PPM1B: variants seen among roughly 807,000 people sequenced by gnomAD.
PPM1B encodes protein phosphatase, Mg2+/Mn2+ dependent 1B.
PPM1B carries 22 observed loss-of-function variants against 43.0 expected under a neutral mutation model. That is an observed-to-expected ratio of 0.51 (90% CI 0.37 to 0.73). The LOEUF is 0.73. PPM1B is among the 30% of genes least tolerant of loss of function. The pLI is 0.00. For missense variants in PPM1B, 632 were observed against 584.2 expected (o/e 1.08, Z -0.84); for synonymous variants, 217 against 197.9 (o/e 1.10, Z -0.81).
In PPM1B at chr2:44,201,868, G is replaced by A; in HGVS notation, c.669G>A (p.Glu223=). 1 of 1,614,172 alleles carries A rather than the reference G, an allele frequency of 6.2e-7. No individual in the cohort carries two copies. Among genetic ancestry groups the A allele is most frequent in the Non-Finnish European group, 8.5e-7 (1 of 1,180,026 alleles). ...KGPTEQLVSP[E]PEVYEILRAE... is the part of the protein sequence containing the mutation. Reference sequence around the variant, plus strand: ...CAACAGAACAACTTGTTTCTCCAGAGCCTGAGGTTTATGAAATTTTAAGAG... The same window carrying A: ...CAACAGAACAACTTGTTTCTCCAGAACCTGAGGTTTATGAAATTTTAAGAG... Residue 223 remains glutamate, a synonymous_variant, in exon 2 of 6, where the codon GAG becomes GAA. Transcript: ENST00000282412. The surrounding 1 kb of genome is among the most constrained non-coding windows in gnomAD (Gnocchi z 5.4).
At chr2:44,244,274 G>A (rs773282713) in exon 6 of PPM1B, 4 of 1,360,900 alleles carry the variant, frequency 2.9e-6, no homozygotes, top group Non-Finnish European at 3.9e-6. Context: ...GAGAGCTCTG[G>A]TGACAAGAAA....
At chr2:44,216,262 C>T (rs1669712928) in intron 3 of PPM1B, among the ~76,000 whole-genome samples, 1 of 152,060 alleles carries the variant, frequency 6.6e-6, no homozygotes, top group Non-Finnish European at 1.5e-5. Flanking sequence ...TGTCTGGTGA[C>T]ATTTTTGGTG....
chr2:44,245,648 A>G (rs183014305), downstream of PPM1B, among the ~76,000 whole-genome samples: 8 of 152,340 alleles, frequency 5.3e-5, no homozygotes, highest in Admixed American at 5.2e-4. Flanking sequence ...GACCTTTGTT[A>G]TAGATTAACT....
chr2:44,240,747 C>A (rs1670725872), intron 5 of PPM1B, among the ~76,000 whole-genome samples: 2 of 145,398 alleles, frequency 1.4e-5, no homozygotes, highest in Non-Finnish European at 1.5e-5. Context: ...CTACTAGTAC[C>A]CATTAGCATG....
chr2:44,215,461 G>GA (rs879579340), intron 3 of PPM1B, among the ~76,000 whole-genome samples: 6,345 of 142,048 alleles, frequency 0.045, 388 homozygotes, highest in African/African-American at 0.14. Context: ...ATGTCTTTAA[G>GA]AAAAAAAAAA....
At chr2:44,227,922 C>CTTTTTTTTTTTT (rs59259343) in intron 5 of PPM1B, among the ~76,000 whole-genome samples, 6 of 106,798 alleles carry the variant, frequency 5.6e-5, no homozygotes, top group Non-Finnish European at 8.9e-5. Flanking sequence ...TTTTTCTTTT[C>CTTTTTTTTTTTT]TTTTTTTTTT....
At chr2:44,186,086 A>G (rs1253014032) in intron 1 of PPM1B, among the ~76,000 whole-genome samples, 1 of 152,128 alleles carries the variant, frequency 6.6e-6, no homozygotes, top group Non-Finnish European at 1.5e-5. Context: ...GTGTTTGTGA[A>G]TGAGTATGTT....
intron 1 of PPM1B, among the ~76,000 whole-genome samples, chr2:44,190,155 ATTTT>A (rs35252924): frequency 8.9e-6 from 1 of 112,028 alleles, no homozygotes. Context: ...AGTTTATTTG[ATTTT>A]TTTTTTTTTT....
At chr2:44,241,454 A>C (rs1196359271) in intron 5 of PPM1B, among the ~76,000 whole-genome samples, 4 of 143,664 alleles carry the variant, frequency 2.8e-5, no homozygotes, top group African/African-American at 4.9e-5. Flanking sequence ...CTTCAAGGCC[A>C]GGCTCGGTGG....
At chr2:44,178,402 C>T (rs1281762669) in intron 1 of PPM1B, among the ~76,000 whole-genome samples, 2 of 148,940 alleles carry the variant, frequency 1.3e-5, no homozygotes, top group East Asian at 3.9e-4. Flanking sequence ...AAATTCTCTC[C>T]AATGTTGCTA....
chr2:44,186,805 A>G (rs563913031), intron 1 of PPM1B, among the ~76,000 whole-genome samples: 1 of 152,338 alleles, frequency 6.6e-6, no homozygotes, highest in South Asian at 2.1e-4. Flanking sequence ...GTCTCGTGCT[A>G]TTTGGATTCT....
chr2:44,211,102 C>G (rs1669444369), intron 3 of PPM1B, among the ~76,000 whole-genome samples: 1 of 152,108 alleles, frequency 6.6e-6, no homozygotes, highest in Non-Finnish European at 1.5e-5. Context: ...TGCCACTGTA[C>G]TCTAGCCTGG....
chr2:44,230,913 A>G lies in PPM1B; in HGVS notation c.*195A>G, dbSNP rs1670444850. 3 of 1,222,228 alleles carry G rather than the reference A, an allele frequency of 2.5e-6. No individual in the cohort carries two copies. Among genetic ancestry groups the G allele is most frequent in the East Asian group, 3.2e-5 (1 of 30,882 alleles). The allele number at this position is 1,222,228 out of a possible 1,614,324, so 75.7% of individuals were successfully genotyped here. On this transcript the variant is annotated 3_prime_UTR_variant, in exon 6 of 6. Coordinates refer to ENST00000282412, the MANE Select transcript of PPM1B (RefSeq NM_002706.6). ...TGTAAAATTGACTATTTATAGTACT[A>G]TGGATTTAATGAAATTATATGTCAT...
chr2:44,177,695 G>A (rs557591202), intron 1 of PPM1B, among the ~76,000 whole-genome samples: 1 of 151,844 alleles, frequency 6.6e-6, no homozygotes, highest in Non-Finnish European at 1.5e-5. Flanking sequence ...TGGGATTACA[G>A]ACATGAGCCA....
chr2:44,210,070 T>C (rs2104179195), intron 3 of PPM1B, among the ~76,000 whole-genome samples: 1 of 152,326 alleles, frequency 6.6e-6, no homozygotes, highest in Admixed American at 6.5e-5. Flanking sequence ...ACAAGTACTC[T>C]TAATTCCGCT....
intron 5 of PPM1B, among the ~76,000 whole-genome samples, chr2:44,241,159 A>C (rs1670736705): frequency 7.0e-6 from 1 of 143,240 alleles, no homozygotes; most frequent in South Asian, 2.5e-4. Flanking sequence ...ATGCGTCACC[A>C]CGCCCGGCTG....
chr2:44,230,469 G>C lies in PPM1B; in HGVS notation c.1191G>C (p.Arg397Ser). ...GSQGKLVEALRQMRINHRGNY... is the reference protein window; with the variant it reads ...GSQGKLVEALSQMRINHRGNY... Reference sequence around the variant, plus strand: ...AGGGAAAATTGGTGGAAGCTCTCAGGCAAATGAGAATTAATCATAGGGGAA... The same window carrying C: ...AGGGAAAATTGGTGGAAGCTCTCAGCCAAATGAGAATTAATCATAGGGGAA... Residue 397 changes from arginine (R) to serine (S), a missense_variant, in exon 6 of 6, where the codon AGG (arginine) becomes AGC (serine). Physicochemically the swap from Arg to Ser is moderately radical, Grantham distance 110. This residue lies in a region of PPM1B where 392 missense variants were observed against 302.7 expected (regional missense o/e 1.29). Transcript: ENST00000282412. 1 of 1,614,176 alleles carries C rather than the reference G, an allele frequency of 6.2e-7. No individual in the cohort carries two copies. The highest frequency in any genetic ancestry group is 8.5e-7 in the Non-Finnish European group (1 of 1,180,014).
At chr2:44,233,006 C>T (rs1409689138), downstream of PPM1B, 1 of 981,576 alleles carries the variant, frequency 1.0e-6, no homozygotes, top group East Asian at 1.1e-4. Context: ...TCTACTGCAT[C>T]CTTCAACTCT....
chr2:44,229,866 CTAGAGATG>C, intron 5 of PPM1B: 1 of 824,776 alleles, frequency 1.2e-6, no homozygotes, highest in Non-Finnish European at 1.8e-6. Context: ...TTATTTTTAT[CTAGAGATG>C]TTTTTATCAA....
Sources: gnomAD v4.1 joint callset for allele counts (sites outside exome capture counted in the v4.1 genomes callset) on GRCh38, gnomAD v4.1.1 for gene constraint, gnomAD v4.1.1 regional missense constraint, Gnocchi (gnomAD v3.1) non-coding constraint, MANE v1.5 for transcripts, NCBI Gene and HGNC (gene_info 2026-07-23, HGNC 2026-07-21) for gene names.